The following B3GALT1 variants were observed in gnomAD, a reference collection of about 807,000 sequenced individuals.
B3GALT1 encodes UDP-Gal:betaGlcNAc beta 1,3-galactosyltransferase, polypeptide 1.
In B3GALT1, 10 loss-of-function variants were observed where a neutral mutation model predicts 23.2. That is an observed-to-expected ratio of 0.43 (90% CI 0.27 to 0.73). The LOEUF is 0.73. Ranked by LOEUF, B3GALT1 falls within the 30% of genes least tolerant of loss-of-function variation. B3GALT1 has a pLI of 0.21. For synonymous variants in B3GALT1, 156 were observed against 141.5 expected (o/e 1.10, Z -0.73); for missense variants, 299 against 405.4 (o/e 0.74, Z 2.25).
intron 1 of B3GALT1, among the ~76,000 whole-genome samples, chr2:167,361,395 C>A (rs994997759): frequency 1.3e-5 from 2 of 152,046 alleles, no homozygotes; most frequent in Non-Finnish European, 2.9e-5. Flanking sequence ...AATAAATTAT[C>A]TCTCCTTAAT....
At chr2:167,685,231 A>G (rs554859097) in intron 3 of B3GALT1, among the ~76,000 whole-genome samples, 32 of 152,314 alleles carry the variant, frequency 2.1e-4, no homozygotes, top group African/African-American at 7.5e-4. Context: ...CAAACACAGC[A>G]CTTGGCATGG....
At chr2:167,364,585 G>T (rs951218536) in intron 1 of B3GALT1, among the ~76,000 whole-genome samples, 2 of 152,016 alleles carry the variant, frequency 1.3e-5, no homozygotes, top group African/African-American at 2.4e-5. Context: ...GAGAACATGC[G>T]GTGTTTGGTT....
chr2:167,821,009 G>T (rs1368611085), intron 4 of B3GALT1, among the ~76,000 whole-genome samples: 1 of 152,152 alleles, frequency 6.6e-6, no homozygotes, highest in Non-Finnish European at 1.5e-5. Context: ...TTTTTATCAA[G>T]AACTTTGCAT....
At chr2:167,443,089 A>G (rs1698920695) in intron 1 of B3GALT1, among the ~76,000 whole-genome samples, 1 of 152,064 alleles carries the variant, frequency 6.6e-6, no homozygotes, top group Admixed American at 6.6e-5. Flanking sequence ...AGCTTTCTAC[A>G]TATGGCTAGC....
At chr2:167,307,674 C>A (rs1354030437) in intron 1 of B3GALT1, among the ~76,000 whole-genome samples, 2 of 151,798 alleles carry the variant, frequency 1.3e-5, no homozygotes, top group African/African-American at 4.8e-5. Context: ...GTTAAGGAAC[C>A]CATTCTGTTT....
At chr2:167,451,655 T>A (rs1468429703) in intron 1 of B3GALT1, among the ~76,000 whole-genome samples, 1 of 152,168 alleles carries the variant, frequency 6.6e-6, no homozygotes, top group Non-Finnish European at 1.5e-5. Flanking sequence ...TAATCCTATT[T>A]TTGTGCTAGT....
chr2:167,567,404 T>C lies in B3GALT1; in HGVS notation c.-410+77127T>C, dbSNP rs1684191800. ...ATCCAAGGCCATCTCAAGGATGTAT[T>C]AAGCTCTCTGTACCATTGGAAAAAA... On this transcript the variant is annotated intron_variant, in intron 2 of 4. Transcript: ENST00000392690. 3.3e-5 allele frequency among the ~76,000 whole-genome samples: 5 copies of C among 152,308 alleles called. No individual in the cohort carries two copies. The South Asian group carries it at 1.0e-3, about 32-fold the overall frequency.
At chr2:167,315,096 C>A (rs907248840) in intron 1 of B3GALT1, among the ~76,000 whole-genome samples, 8 of 152,114 alleles carry the variant, frequency 5.3e-5, no homozygotes, top group Non-Finnish European at 1.2e-4. Context: ...CTGATTCTTA[C>A]AACCTAATTG....
intron 3 of B3GALT1, among the ~76,000 whole-genome samples, chr2:167,650,805 T>C (rs949335715): frequency 5.9e-5 from 9 of 152,240 alleles, no homozygotes; most frequent in African/African-American, 2.2e-4. Flanking sequence ...TCTTCTTCCA[T>C]CTTCAAAGAT....
chr2:167,579,430 G>GTTTTTTTTTTTTTTTTTTTTTTT lies in B3GALT1; in HGVS notation c.-409-67478_-409-67477insTTTTTTTTTTTTTTTTTTTTTTT, dbSNP rs1553469287. 2.8e-4 allele frequency among the ~76,000 whole-genome samples: 18 copies of GTTTTTTTTTTTTTTTTTTTTTTT among 63,600 alleles called. No individual in the cohort carries two copies. The East Asian group carries it at 0.01, about 36-fold the overall frequency. The allele number at this position is 63,600 out of a possible 152,430, so 41.7% of individuals were successfully genotyped here. A position where few individuals can be genotyped will look rare whatever the true frequency, so the allele number is the denominator to read the frequency against. Reference sequence around the variant, plus strand: ...TTTGGTTTTGGTTTTGTTTTTTTTTGTCTTTTTTTTTTTTTTTCCATTTAA... The same window carrying GTTTTTTTTTTTTTTTTTTTTTTT: ...TTTGGTTTTGGTTTTGTTTTTTTTTGTTTTTTTTTTTTTTTTTTTTTTTTCTTTTTTTTTTTTTTTCCATTTAA... On this transcript the variant is annotated intron_variant, in intron 2 of 4. Transcript: ENST00000392690.
chr2:167,349,802 G>A (rs969091886), intron 1 of B3GALT1, among the ~76,000 whole-genome samples: 6 of 152,224 alleles, frequency 3.9e-5, no homozygotes, highest in Admixed American at 2.6e-4. Context: ...ATAACGGGGG[G>A]ATTGCTGCAC....
chr2:167,757,811 A>G (rs546226932), intron 3 of B3GALT1, among the ~76,000 whole-genome samples: 1 of 152,254 alleles, frequency 6.6e-6, no homozygotes, highest in African/African-American at 2.4e-5. Flanking sequence ...AAGCCAGCCC[A>G]TAATTCAGGG....
At chr2:167,304,558 A>G (rs1210573001) in intron 1 of B3GALT1, among the ~76,000 whole-genome samples, 1 of 152,118 alleles carries the variant, frequency 6.6e-6, no homozygotes, top group African/African-American at 2.4e-5. Flanking sequence ...CACTCTTGGC[A>G]ACAAAATCTG....
At position 167,395,626 on chromosome 2, in the gene B3GALT1, A is replaced by T. The variant is rs529195864; in HGVS notation, c.-510-94551A>T. Among the ~76,000 whole-genome samples, 4 of 152,242 alleles carry T rather than the reference A, an allele frequency of 2.6e-5. No homozygotes were observed. The East Asian group carries it at 7.7e-4, about 29-fold the overall frequency. On this transcript the variant is annotated intron_variant, in intron 1 of 4. Transcript: ENST00000392690. ...TAAATTTGTGTTGTTTTAAGCTACT[A>T]AGTGTGGGTAACATTTCAAGCTGCT... is the stretch of plus-strand genomic sequence containing the variant.
chr2:167,749,473 G>A (rs1687700108), intron 3 of B3GALT1, among the ~76,000 whole-genome samples: 1 of 152,162 alleles, frequency 6.6e-6, no homozygotes, highest in African/African-American at 2.4e-5. Context: ...TTTCATAAGA[G>A]ACAACAAACA....
chr2:167,866,672 TC>T (rs1690224045), intron 4 of B3GALT1, among the ~76,000 whole-genome samples: 2 of 152,168 alleles, frequency 1.3e-5, no homozygotes, highest in Non-Finnish European at 2.9e-5. Flanking sequence ...GATTACTGGC[TC>T]CCAAATATTA....
chr2:167,731,260 GTCA>G (rs1369175044), intron 3 of B3GALT1, among the ~76,000 whole-genome samples: 3 of 152,198 alleles, frequency 2.0e-5, no homozygotes, highest in Non-Finnish European at 2.9e-5. Flanking sequence ...CACCTAGCTA[GTCA>G]TCAGTAAATG....
chr2:167,304,987 A>G (rs979474042), intron 1 of B3GALT1, among the ~76,000 whole-genome samples: 1 of 152,146 alleles, frequency 6.6e-6, no homozygotes, highest in East Asian at 1.9e-4. Context: ...ATTTTGTTCT[A>G]TTCTCACCCT....
intron 3 of B3GALT1, among the ~76,000 whole-genome samples, chr2:167,788,261 A>G (rs836693): frequency 0.29 from 37,233 of 127,568 alleles, 6,625 homozygotes; most frequent in East Asian, 0.69. Context: ...ATTTTTCCAC[A>G]GTCCGGAAGT....
Sources: gnomAD v4.1 joint callset for allele counts (sites outside exome capture counted in the v4.1 genomes callset) on GRCh38, gnomAD v4.1.1 for gene constraint, MANE v1.5 for transcripts, NCBI Gene and HGNC (gene_info 2026-07-23, HGNC 2026-07-21) for gene names.